Variants in ST14 observed in about 807,000 individuals in gnomAD.
ST14 encodes ST14 transmembrane serine protease matriptase.
A neutral mutation model predicts 96.5 loss-of-function variants in ST14; 40 were observed. The ratio of observed to expected loss-of-function variants is 0.41; its 90% CI spans 0.32 to 0.54. The LOEUF (loss-of-function observed/expected upper bound fraction) is 0.54. Ranked by LOEUF, ST14 falls within the 20% of genes least tolerant of loss-of-function variation. The pLI, the probability that ST14 is intolerant of heterozygous loss-of-function variation, is 0.17. For synonymous variants in ST14, 506 were observed against 492.1 expected, an observed-to-expected ratio of 1.03 and a Z score of -0.37; for missense variants, 1,066 against 1,188.9, an observed-to-expected ratio of 0.90 and a Z score of 1.52.
In ST14 at chr11:130,184,530, C is replaced by G. The variant is rs144858263; in HGVS notation, c.82-3584C>G. 2.6e-5 allele frequency among the ~76,000 whole-genome samples: 4 copies of G among 152,334 alleles called. No individual in the cohort carries two copies. The East Asian group carries it at 7.7e-4, about 29-fold the overall frequency. ...TTGGAAGATTTACAACTCTCTTCAG[C>G]TCTTGGAAACATCCTTTCAGTATTT... On this transcript the variant is annotated intron_variant, in intron 1 of 18. Coordinates refer to ENST00000278742, the MANE Select transcript of ST14 (RefSeq NM_021978.4).
intron 1 of ST14, among the ~76,000 whole-genome samples, chr11:130,164,479 G>T (rs921438524): frequency 7.9e-5 from 12 of 151,466 alleles, no homozygotes; most frequent in African/African-American, 2.9e-4. Flanking sequence ...GAGTGCAATG[G>T]TGCAATCATG....
At chr11:130,201,366 A>G (rs371113064) in intron 16 of ST14, among the ~76,000 whole-genome samples, 1 of 152,206 alleles carries the variant, frequency 6.6e-6, no homozygotes. Context: ...ACGCTTTTCC[A>G]TGGTAGGCAG....
chr11:130,160,300 G>T (rs1035742448), intron 1 of ST14, among the ~76,000 whole-genome samples: 2 of 151,834 alleles, frequency 1.3e-5, no homozygotes, highest in Non-Finnish European at 2.9e-5. Flanking sequence ...GCCTTCCTGC[G>T]CCCTCGGTCC....
In ST14 at chr11:130,189,918, G is replaced by A. The variant is rs775906581; in HGVS notation, c.598+22G>A. On this transcript the variant is annotated intron_variant, in intron 5 of 18. Coordinates refer to ENST00000278742, the MANE Select transcript of ST14 (RefSeq NM_021978.4). ...TTCCGTGAGTCCGAGGGCCAGGGGT[G>A]GGCGTGGGACTGGCCAGCCTTCCAT... 12 of 1,613,480 alleles carry A rather than the reference G, an allele frequency of 7.4e-6. No individual in the cohort carries two copies. In the Middle Eastern group the frequency reaches 1.2e-3, roughly 166 times the overall value.
In ST14 at chr11:130,188,076, G is replaced by T. The variant is rs557276352; in HGVS notation, c.82-38G>T. ...CCAGCGGGGTGCAGGGGAAGAGCGG[G>T]TGAGAGGGTCTGAGTGGTGGCGCCT... On this transcript the variant is annotated intron_variant, in intron 1 of 18. Coordinates refer to ENST00000278742, the MANE Select transcript of ST14 (RefSeq NM_021978.4). The surrounding 1 kb of genome is among the most constrained non-coding windows in gnomAD (Gnocchi z 5.4). The T allele has an allele frequency of 1.2e-6, 2 of 1,612,740 alleles. No individual in the cohort carries two copies. The highest frequency in any genetic ancestry group is 1.3e-5 in the African/African-American group (1 of 75,010).
chr11:130,208,348 C>T, intron 16 of ST14, 62 bp from the exon 17 acceptor site: 1 of 1,610,546 alleles, frequency 6.2e-7, no homozygotes, highest in Non-Finnish European at 8.5e-7. Context: ...ACGCGCGGGG[C>T]CGCGAGGCCG....
intron 1 of ST14, among the ~76,000 whole-genome samples, chr11:130,173,280 C>A (rs1953109195): frequency 6.6e-6 from 1 of 152,176 alleles, no homozygotes; most frequent in South Asian, 2.1e-4. Context: ...GGTGGAGCAG[C>A]TGAAGTTCAG....
At chr11:130,196,529 C>T (rs1953366573) in intron 10 of ST14, 41 bp from the exon 11 acceptor site, 2 of 1,542,528 alleles carry the variant, frequency 1.3e-6, no homozygotes, top group South Asian at 2.3e-5. Flanking sequence ...CCCCCGGCTC[C>T]CAGCTGTCCC....
In ST14 at chr11:130,196,337, AGGT is replaced by A; in HGVS notation, c.1114_1116del (p.Val372del). The A allele has an allele frequency of 6.3e-7, 1 of 1,583,616 alleles. No homozygotes were observed. The highest frequency in any genetic ancestry group is 8.6e-7 in the Non-Finnish European group (1 of 1,164,690). On this transcript the variant is annotated splice_acceptor_variant and coding_sequence_variant, in exon 10 of 19. Transcript: ENST00000278742. LOFTEE classifies it high-confidence loss of function. ...CATTCCCAGCAGCCTCTCTTCCCTC[AGGT>A]GCCCAACAACCAGCATGTGAAGGTG...
intron 1 of ST14, among the ~76,000 whole-genome samples, chr11:130,164,021 C>G (rs914584068): frequency 4.7e-4 from 72 of 152,316 alleles, no homozygotes; most frequent in African/African-American, 1.7e-3. Flanking sequence ...GCTTCTGTCC[C>G]TCGGAACACT....
intron 1 of ST14, among the ~76,000 whole-genome samples, chr11:130,174,142 G>A (rs1953116536): frequency 6.6e-6 from 1 of 152,174 alleles, no homozygotes; most frequent in Non-Finnish European, 1.5e-5. Flanking sequence ...GCAGGAGGAG[G>A]GAGTCTGCCC....
chr11:130,196,340 T>C lies in ST14; in HGVS notation c.1115T>C (p.Val372Ala). The change falls in exon 10 of 19, where the codon GTG (valine) becomes GCG (alanine). Residue 372 changes from valine (V) to alanine (A), a missense_variant and splice_region_variant. By Grantham distance (64) the Val-to-Ala change is moderately conservative. Coordinates refer to ENST00000278742, the MANE Select transcript of ST14 (RefSeq NM_021978.4). ...TCCCAGCAGCCTCTCTTCCCTCAGG[T>C]GCCCAACAACCAGCATGTGAAGGTG... Reference protein sequence around the residue: ...PNIDCTWNIEVPNNQHVKVRF... With the variant: ...PNIDCTWNIEAPNNQHVKVRF... 2 of 1,585,582 alleles carry C rather than the reference T, an allele frequency of 1.3e-6. No individual in the cohort carries two copies. The highest frequency in any genetic ancestry group is 2.7e-5 in the African/African-American group (2 of 74,708).
rs1436284569 is a variant in ST14, at chr11:130,199,883, C to T, written c.1808-68C>T. The T allele has an allele frequency of 6.3e-6, 10 of 1,594,882 alleles. No individual in the cohort carries two copies. The Admixed American group carries it at 1.7e-4, about 27-fold the overall frequency. On this transcript the variant is annotated intron_variant, in intron 15 of 18. Coordinates refer to ENST00000278742, the MANE Select transcript of ST14 (RefSeq NM_021978.4). ...ACACAGGGTCTCCTGGCACACACTG[C>T]ATGTCCCCTTGTGGTTTGATGTCCC...
chr11:130,162,984 G>A (rs1953009290), intron 1 of ST14, among the ~76,000 whole-genome samples: 1 of 152,196 alleles, frequency 6.6e-6, no homozygotes. Flanking sequence ...AAATGGTGAT[G>A]ACATATATGT....
chr11:130,205,703 TTTTTTTTG>T (rs1953479040), intron 16 of ST14, among the ~76,000 whole-genome samples: 1 of 84,930 alleles, frequency 1.2e-5, no homozygotes, highest in Non-Finnish European at 2.8e-5. Flanking sequence ...TTAGACGTTT[TTTTTTTTG>T]TTTTTTTTTT....
chr11:130,166,094 T>C (rs1475687722), intron 1 of ST14, among the ~76,000 whole-genome samples: 1 of 152,222 alleles, frequency 6.6e-6, no homozygotes, highest in Non-Finnish European at 1.5e-5. Context: ...TGAGGTTCCT[T>C]AGCTGGTGGA....
intron 1 of ST14, among the ~76,000 whole-genome samples, chr11:130,162,294 T>C (rs1442553580): frequency 6.6e-6 from 1 of 152,102 alleles, no homozygotes; most frequent in Non-Finnish European, 1.5e-5. Context: ...CTGGGGATGG[T>C]GTGAGCCCTG....
intron 11 of ST14, among the ~76,000 whole-genome samples, chr11:130,197,479 C>T (rs960702960): frequency 2.0e-5 from 3 of 152,266 alleles, no homozygotes; most frequent in East Asian, 1.9e-4. Context: ...GCGTCACAGG[C>T]GGGGCCTGGC....
At chr11:130,165,990 C>T (rs1460308658) in intron 1 of ST14, among the ~76,000 whole-genome samples, 1 of 152,196 alleles carries the variant, frequency 6.6e-6, no homozygotes, top group African/African-American at 2.4e-5. Flanking sequence ...CACCAGAGAG[C>T]TGTGAGCACA....
Sources: allele counts gnomAD v4.1 joint callset (sites outside exome capture counted in the v4.1 genomes callset), GRCh38; gene constraint gnomAD v4.1.1; non-coding constraint Gnocchi (gnomAD v3.1); transcripts MANE v1.5; gene names NCBI Gene and HGNC (gene_info 2026-07-23, HGNC 2026-07-21).